The following PPP1R12A variants were observed in gnomAD, a reference collection of about 807,000 sequenced individuals.
The protein encoded by PPP1R12A is protein phosphatase 1 regulatory subunit 12A.
In PPP1R12A, 19 loss-of-function variants were observed where a neutral mutation model predicts 139.6. The ratio of observed to expected loss-of-function variants is 0.14; its 90% CI spans 0.09 to 0.20. The LOEUF is 0.20. PPP1R12A is among the 10% of genes least tolerant of loss of function. The probability of loss-of-function intolerance (pLI) is 1.00; values close to 1 mark genes in which losing one functional copy is unlikely to be tolerated. For missense variants in PPP1R12A, 925 were observed against 1,211.5 expected (o/e 0.76, Z 3.51); for synonymous variants, 427 against 420.6 (o/e 1.02, Z -0.19).
chr12:79,933,009 T>C (rs935497553), intron 1 of PPP1R12A, among the ~76,000 whole-genome samples: 1 of 152,208 alleles, frequency 6.6e-6, no homozygotes, highest in Non-Finnish European at 1.5e-5. Context: ...TGAAAGAAAT[T>C]TGAAGATTCA....
chr12:79,922,492 C>G (rs755508464), intron 1 of PPP1R12A, among the ~76,000 whole-genome samples: 1 of 152,102 alleles, frequency 6.6e-6, no homozygotes, highest in Non-Finnish European at 1.5e-5. Flanking sequence ...CACATACACA[C>G]CATGGAATAC....
chr12:79,798,012 C>G (rs569499514), intron 15 of PPP1R12A, among the ~76,000 whole-genome samples: 1 of 152,170 alleles, frequency 6.6e-6, no homozygotes, highest in East Asian at 1.9e-4. Flanking sequence ...GTAAGGAGAT[C>G]GCCAGCCTGA....
chr12:79,928,472 A>G (rs1308390824), intron 1 of PPP1R12A, among the ~76,000 whole-genome samples: 1 of 152,224 alleles, frequency 6.6e-6, no homozygotes, highest in Non-Finnish European at 1.5e-5. Flanking sequence ...AGGTTTTTAA[A>G]AATGGATTTA....
intron 1 of PPP1R12A, among the ~76,000 whole-genome samples, chr12:79,880,207 G>A (rs1479593406): frequency 6.6e-6 from 1 of 152,072 alleles, no homozygotes; most frequent in Non-Finnish European, 1.5e-5. Flanking sequence ...AATAGCAGTG[G>A]GTAGAAAGTA....
chr12:79,776,168 AG>A (rs1323574905), intron 24 of PPP1R12A, among the ~76,000 whole-genome samples, 153 bp from the exon 25 acceptor site: 2 of 152,114 alleles, frequency 1.3e-5, no homozygotes, highest in African/African-American at 2.4e-5. Context: ...ATCAGGAAGA[AG>A]GAAAAAAACC....
chr12:79,877,598 C>T (rs1035422134), intron 1 of PPP1R12A, among the ~76,000 whole-genome samples: 5 of 152,190 alleles, frequency 3.3e-5, no homozygotes, highest in African/African-American at 9.7e-5. Context: ...TCAATGCAAC[C>T]TCCGCCTCCC....
At chr12:79,853,556 C>G (rs1880296333) in intron 2 of PPP1R12A, among the ~76,000 whole-genome samples, 1 of 152,090 alleles carries the variant, frequency 6.6e-6, no homozygotes, top group South Asian at 2.1e-4. Context: ...AAATGGGTCA[C>G]CTAGATTGTC....
chr12:79,777,952 T>C (rs1322639763), intron 24 of PPP1R12A, among the ~76,000 whole-genome samples: 1 of 151,966 alleles, frequency 6.6e-6, no homozygotes, highest in Non-Finnish European at 1.5e-5. Context: ...GGGTACAATA[T>C]ACTTACTATG....
At chr12:79,803,356 G>A (rs1873431880) in intron 14 of PPP1R12A, among the ~76,000 whole-genome samples, 1 of 152,016 alleles carries the variant, frequency 6.6e-6, no homozygotes, top group Admixed American at 6.5e-5. Flanking sequence ...ATTAAAAGAT[G>A]GTAGAATATA....
chr12:79,865,581 G>T (rs1389414698), intron 2 of PPP1R12A, among the ~76,000 whole-genome samples: 1 of 152,118 alleles, frequency 6.6e-6, no homozygotes, highest in Admixed American at 6.6e-5. Context: ...CATCGTCTCA[G>T]CCCCAAATCT....
intron 2 of PPP1R12A, among the ~76,000 whole-genome samples, chr12:79,850,798 G>A (rs1302643668): frequency 1.3e-5 from 2 of 152,012 alleles, no homozygotes; most frequent in Admixed American, 1.3e-4. Flanking sequence ...ACGAGATATG[G>A]CTGTTTGAAA....
chr12:79,798,924 G>A (rs183612051), intron 14 of PPP1R12A, among the ~76,000 whole-genome samples: 1 of 152,040 alleles, frequency 6.6e-6, no homozygotes, highest in East Asian at 1.9e-4. Context: ...AAAAATAGAA[G>A]GATTTCATTT....
chr12:79,808,425 AATGC>A, intron 11 of PPP1R12A, 54 bp downstream of exon 11: 1 of 1,149,650 alleles, frequency 8.7e-7, no homozygotes, highest in Non-Finnish European at 1.3e-6. Context: ...TATTAACTCT[AATGC>A]TAGATAATAA....
At chr12:79,800,954 T>C (rs1873056959) in intron 14 of PPP1R12A, among the ~76,000 whole-genome samples, 1 of 151,626 alleles carries the variant, frequency 6.6e-6, no homozygotes, top group African/African-American at 2.4e-5. Context: ...AGGATGGTCT[T>C]GATCTTCTGA....
At position 79,914,121 on chromosome 12, in the gene PPP1R12A, A is replaced by G. The variant is rs569002042; in HGVS notation, c.237+20574T>C. Among the ~76,000 whole-genome samples the G allele has an allele frequency of 1.3e-4, 20 of 152,304 alleles. No individual in the cohort carries two copies. The South Asian group carries it at 3.9e-3, about 30-fold the overall frequency. On this transcript the variant is annotated intron_variant, in intron 1 of 24. Coordinates refer to ENST00000450142, the MANE Select transcript of PPP1R12A (RefSeq NM_002480.3). ...GGTTATTATTTTAAAATAAATATTT[A>G]AAAGTTTTTTCAACTTTATTTTCTA...
intron 18 of PPP1R12A, among the ~76,000 whole-genome samples, chr12:79,795,027 G>A (rs867499799): frequency 3.9e-5 from 6 of 152,016 alleles, no homozygotes; most frequent in Non-Finnish European, 8.8e-5. Flanking sequence ...ATTCTGAGTG[G>A]TGATTACATA....
intron 14 of PPP1R12A, among the ~76,000 whole-genome samples, chr12:79,799,961 T>C (rs989497130): frequency 6.6e-6 from 1 of 152,132 alleles, no homozygotes; most frequent in Admixed American, 6.5e-5. Flanking sequence ...TGAGCTGAGA[T>C]TGTACCACCC....
At chr12:79,861,488 G>A (rs1460136136) in intron 2 of PPP1R12A, among the ~76,000 whole-genome samples, 3 of 152,192 alleles carry the variant, frequency 2.0e-5, no homozygotes, top group South Asian at 4.1e-4. Flanking sequence ...CGCAGAGGGC[G>A]AGCTGAAGCA....
intron 1 of PPP1R12A, among the ~76,000 whole-genome samples, chr12:79,873,683 G>C (rs1267077941): frequency 4.6e-5 from 7 of 151,868 alleles, no homozygotes; most frequent in African/African-American, 1.7e-4. Context: ...TGGTGGTTAG[G>C]GGGCAGCAAT....
Sources: allele counts gnomAD v4.1 joint callset (sites outside exome capture counted in the v4.1 genomes callset), GRCh38; gene constraint gnomAD v4.1.1; transcripts MANE v1.5; gene names NCBI Gene and HGNC (gene_info 2026-07-23, HGNC 2026-07-21).